Variants in RMI1 observed in about 807,000 individuals in gnomAD.
RMI1 encodes RecQ mediated genome instability 1.
RMI1 carries 36 observed loss-of-function variants against 46.7 expected under a neutral mutation model. The ratio of observed to expected loss-of-function variants is 0.77; its 90% CI spans 0.59 to 1.02. The LOEUF (loss-of-function observed/expected upper bound fraction) is 1.02. Ranked by LOEUF, RMI1 falls within the 50% of genes least tolerant of loss-of-function variation. The pLI, the probability that RMI1 is intolerant of heterozygous loss-of-function variation, is 0.00. For synonymous variants in RMI1, 250 were observed against 252.9 expected (o/e 0.99, Z 0.11); for missense variants, 676 against 713.7 (o/e 0.95, Z 0.60).
chr9:84,002,380 A>T lies in RMI1; in HGVS notation c.1394A>T (p.Asn465Ile), dbSNP rs904705978. ...NSQISNENDCNLQSCSLRSSE... is the reference protein window; with the variant it reads ...NSQISNENDCILQSCSLRSSE... The stretch of plus-strand genomic sequence containing the variant: ...CAAATTTCTAATGAAAATGATTGTA[A>T]TTTACAGAGTTGTTCTTTAAGATCA... Residue 465 changes from asparagine to isoleucine, a missense_variant, in exon 3 of 3, where the codon AAT (asparagine) becomes ATT (isoleucine). By Grantham distance (149) the Asn-to-Ile change is moderately radical. Transcript: ENST00000445877. 6.2e-7 allele frequency: 1 copy of T among 1,610,862 alleles called. No homozygotes were observed. The highest frequency in any genetic ancestry group is 8.5e-7 in the Non-Finnish European group (1 of 1,177,942).
intron 1 of RMI1, among the ~76,000 whole-genome samples, chr9:83,994,756 C>T (rs977668277): frequency 3.9e-5 from 6 of 151,968 alleles, no homozygotes; most frequent in Admixed American, 2.0e-4. Flanking sequence ...TGAGCTCAAG[C>T]GTTCTGCCCA....
At chr9:83,984,138 C>T (rs1957457176) in intron 1 of RMI1, among the ~76,000 whole-genome samples, 1 of 152,012 alleles carries the variant, frequency 6.6e-6, no homozygotes, top group Admixed American at 6.6e-5. Context: ...AATATATTCA[C>T]TTAATTTGTA....
intron 1 of RMI1, among the ~76,000 whole-genome samples, chr9:83,995,179 G>C (rs1326483911): frequency 6.6e-6 from 1 of 151,334 alleles, no homozygotes; most frequent in East Asian, 2.0e-4. Context: ...TTTGTATTTC[G>C]AGTAGAGATG....
At position 84,001,587 on chromosome 9, in the gene RMI1, T is replaced by C; in HGVS notation, c.601T>C (p.Tyr201His). 6.2e-7 allele frequency: 1 copy of C among 1,614,028 alleles called. No homozygotes were observed. ...GGEVDALLEE[Y>H]AQEKVLARLI... ...TGAAGTAGATGCTCTTTTAGAAGAA[T>C]ATGCCCAAGAAAAAGTACTTGCAAG... Residue 201 changes from tyrosine (Y) to histidine (H), a missense_variant, in exon 3 of 3, where the codon TAT becomes CAT. Tyr to His is a moderately conservative substitution (Grantham distance 83). Transcript: ENST00000445877.
chr9:83,998,140 G>A (rs1957685664), intron 1 of RMI1, among the ~76,000 whole-genome samples: 1 of 152,068 alleles, frequency 6.6e-6, no homozygotes, highest in African/African-American at 2.4e-5. Context: ...GAGCTGGCGT[G>A]GAGATTTGGT....
rs1277398676 is a variant in RMI1 at position 84,001,361 on chromosome 9, A to C, written c.375A>C (p.Lys125Asn). 1 of 1,614,108 alleles carries C rather than the reference A, an allele frequency of 6.2e-7. No homozygotes were observed. Among genetic ancestry groups the C allele is most frequent in the Non-Finnish European group, 8.5e-7 (1 of 1,179,978 alleles). The stretch of plus-strand genomic sequence containing the variant: ...CAGCTGAAGCACAAGTAACCCCAAA[A>C]CCTTGGGAAGCAAAGCCTTCACGAA... ...LVTAEAQVTP[K>N]PWEAKPSRML... Residue 125 changes from lysine to asparagine, a missense_variant, in exon 3 of 3, where the codon AAA becomes AAC. Physicochemically the swap from Lys to Asn is moderately conservative, Grantham distance 94. Transcript: ENST00000445877.
chr9:83,990,338 C>A (rs1957551909), intron 1 of RMI1, among the ~76,000 whole-genome samples: 2 of 151,952 alleles, frequency 1.3e-5, no homozygotes, highest in Admixed American at 1.3e-4. Flanking sequence ...ATAGTGAAAC[C>A]CTGTCTCTAC....
In RMI1 at chr9:84,002,003, G is replaced by A. The variant is rs145355812; in HGVS notation, c.1017G>A (p.Leu339=). Residue 339 remains leucine, a synonymous_variant, in exon 3 of 3, where the codon TTG becomes TTA. Coordinates refer to ENST00000445877, the MANE Select transcript of RMI1 (RefSeq NM_001358291.2). ...TGGAAACTAAGGAATTGCAACCATT[G>A]ACTTTTAACAGAAATGCCGATCGAA... ...EQMETKELQP[L]TFNRNADRSI... is the part of the protein sequence containing the mutation. The A allele has an allele frequency of 4.6e-4, 743 of 1,613,954 alleles. 2 individuals are homozygous for A. The highest frequency in any genetic ancestry group is 7.3e-4 in the Admixed American group (44 of 59,998).
At chr9:83,993,929 G>A (rs947400467) in intron 1 of RMI1, among the ~76,000 whole-genome samples, 3 of 150,058 alleles carry the variant, frequency 2.0e-5, no homozygotes, top group African/African-American at 4.9e-5. Context: ...ACAGGCGTGC[G>A]CCACCATGCC....
At chr9:83,982,845 A>G (rs1957439560) in intron 1 of RMI1, among the ~76,000 whole-genome samples, 1 of 152,094 alleles carries the variant, frequency 6.6e-6, no homozygotes, top group African/African-American at 2.4e-5. Context: ...TGCTCTTTAA[A>G]TAACAGGAAA....
intron 1 of RMI1, among the ~76,000 whole-genome samples, chr9:83,985,790 C>CCT (rs1445366764): frequency 2.0e-5 from 3 of 152,078 alleles, no homozygotes; most frequent in Non-Finnish European, 4.4e-5. Flanking sequence ...GGGTGGATCA[C>CCT]GAGGTCAGGA....
chr9:83,995,361 A>G (rs1195966406), intron 1 of RMI1, among the ~76,000 whole-genome samples: 3 of 151,228 alleles, frequency 2.0e-5, no homozygotes, highest in Non-Finnish European at 4.4e-5. Context: ...TGAAATTGCA[A>G]TTATTTCACT....
chr9:83,996,954 G>A (rs1234920493), intron 1 of RMI1, among the ~76,000 whole-genome samples: 3 of 151,418 alleles, frequency 2.0e-5, no homozygotes, highest in African/African-American at 2.4e-5. Context: ...GAATAACAGA[G>A]TAAACATCAT....
At position 84,002,089 on chromosome 9, in the gene RMI1, A is replaced by G. The variant is rs761500757; in HGVS notation, c.1103A>G (p.Asn368Ser). The G allele has an allele frequency of 6.2e-7, 1 of 1,613,932 alleles. No individual in the cohort carries two copies. The highest frequency in any genetic ancestry group is 1.1e-5 in the South Asian group (1 of 91,080). ...TTNNFSLTCK[N>S]GNNNWSEKNV... ...AATAACTTTTCTTTGACTTGCAAAAATGGAAACAATAATTGGAGTGAAAAA... is the reference window on the plus strand; with the variant it reads ...AATAACTTTTCTTTGACTTGCAAAAGTGGAAACAATAATTGGAGTGAAAAA... Residue 368 changes from asparagine (N) to serine (S), a missense_variant, in exon 3 of 3, where the codon AAT (asparagine) becomes AGT (serine). Transcript: ENST00000445877.
Position 84,001,535 on chromosome 9 carries a change from AC to A in RMI1, c.551del (p.Pro184GlnfsTer4). ...SFRLGVLLLK[P>X]ENVKVLGGEV... ...TCCGTCTTGGTGTTCTCTTATTGAAACCAGAAAACGTGAAAGTGTTAGGAGG... is the reference window on the plus strand; with the variant it reads ...TCCGTCTTGGTGTTCTCTTATTGAAACAGAAAACGTGAAAGTGTTAGGAGG... On this transcript the variant is annotated frameshift_variant, in exon 3 of 3. Coordinates refer to ENST00000445877, the MANE Select transcript of RMI1 (RefSeq NM_001358291.2). LOFTEE classifies it high-confidence loss of function. 1 of 1,613,750 alleles carries A rather than the reference AC, an allele frequency of 6.2e-7. No individual in the cohort carries two copies. Among genetic ancestry groups the A allele is most frequent in the Non-Finnish European group, 8.5e-7 (1 of 1,179,942 alleles).
chr9:83,995,092 C>G (rs948686634), intron 1 of RMI1, among the ~76,000 whole-genome samples: 2 of 152,228 alleles, frequency 1.3e-5, no homozygotes, highest in South Asian at 4.1e-4. Flanking sequence ...CTCCGCCTCC[C>G]AGATTCAAGC....
intron 1 of RMI1, among the ~76,000 whole-genome samples, chr9:83,999,120 G>A (rs1957701009): frequency 6.6e-6 from 1 of 151,492 alleles, no homozygotes; most frequent in African/African-American, 2.4e-5. Context: ...CACCCTGGGC[G>A]ACAGAGCAAG....
intron 1 of RMI1, among the ~76,000 whole-genome samples, chr9:83,982,240 A>G (rs1488602108): frequency 2.6e-5 from 4 of 152,252 alleles, no homozygotes; most frequent in Non-Finnish European, 5.9e-5. Flanking sequence ...TGTCACTGAC[A>G]CTAATATGCA....
At position 84,001,340 on chromosome 9, in the gene RMI1, T is replaced by C. The variant is rs777604161; in HGVS notation, c.354T>C (p.Ala118=). ...ATACAACAAATGATCTAGTTACAGC[T>C]GAAGCACAAGTAACCCCAAAACCTT... ...GKNTTNDLVT[A]EAQVTPKPWE... Residue 118 remains alanine, a synonymous_variant, in exon 3 of 3, where the codon GCT becomes GCC. Coordinates refer to ENST00000445877, the MANE Select transcript of RMI1 (RefSeq NM_001358291.2). 28 of 1,614,120 alleles carry C rather than the reference T, an allele frequency of 1.7e-5. No homozygotes were observed. Among genetic ancestry groups the C allele is most frequent in the Middle Eastern group, 1.6e-4 (1 of 6,062 alleles).
Sources: allele counts gnomAD v4.1 joint callset (sites outside exome capture counted in the v4.1 genomes callset), GRCh38; gene constraint gnomAD v4.1.1; transcripts MANE v1.5; gene names NCBI Gene and HGNC (gene_info 2026-07-23, HGNC 2026-07-21).